LAMC3: variants seen among roughly 807,000 people sequenced by gnomAD.
LAMC3 encodes the protein laminin subunit gamma-3.
A neutral mutation model predicts 173.8 loss-of-function variants in LAMC3; 128 were observed. The observed-to-expected ratio is 0.74, with a 90% CI of 0.64 to 0.85. LAMC3 has a LOEUF of 0.85. Among genes scored for constraint, LAMC3 ranks in the 40% least tolerant of loss-of-function variants. LAMC3 has a pLI of 0.00. For synonymous variants in LAMC3, 897 were observed against 909.1 expected (o/e 0.99, Z 0.24); for missense variants, 2,022 against 2,156.0 (o/e 0.94, Z 1.23).
At chr9:131,063,759 G>C (rs533650254) in intron 13 of LAMC3, among the ~76,000 whole-genome samples, 42 of 152,274 alleles carry the variant, frequency 2.8e-4, no homozygotes, top group African/African-American at 9.6e-4. Flanking sequence ...ATCATCATCA[G>C]TTTCAATCTC....
intron 13 of LAMC3, among the ~76,000 whole-genome samples, chr9:131,065,105 C>T (rs1020517531): frequency 6.6e-6 from 1 of 151,628 alleles, no homozygotes; most frequent in African/African-American, 2.4e-5. Context: ...ATTCTTGTCA[C>T]CTCCAGGGGA....
rs7024108 is a variant in LAMC3, at chr9:131,087,543, C to T, written c.4298C>T (p.Thr1433Met). ...CGTGCCAGCAGGCTCACCAGCCAGA[C>T]GCAAGCCACGCTCCAACAGGCGTCC... ...HRRASRLTSQ[T>M]QATLQQASQQ... is the part of the protein sequence containing the mutation. Residue 1433 changes from threonine to methionine, a missense_variant, in exon 26 of 28, where the codon ACG becomes ATG. Coordinates refer to ENST00000361069, the MANE Select transcript of LAMC3 (RefSeq NM_006059.4). 0.32 allele frequency: 511,191 copies of T among 1,613,702 alleles called. 84,063 individuals carry two copies. Among genetic ancestry groups the T allele is most frequent in the Non-Finnish European group, 0.35 (407,351 of 1,179,956 alleles).
At position 131,079,270 on chromosome 9, in the gene LAMC3, C is replaced by T. The variant is rs142459109; in HGVS notation, c.3899C>T (p.Thr1300Met). The part of the protein sequence containing the change: ...ARTLQTAAQA[T>M]LRQTEPLTKL... Reference sequence around the variant, plus strand: ...ACCCTCCAGACTGCTGCCCAGGCGACGCTACGGCAAACAGAACCCCTCACA... The same window carrying T: ...ACCCTCCAGACTGCTGCCCAGGCGATGCTACGGCAAACAGAACCCCTCACA... Residue 1300 changes from threonine to methionine, a missense_variant, in exon 23 of 28, where the codon ACG becomes ATG. By Grantham distance (81) the Thr-to-Met change is moderately conservative. Coordinates refer to ENST00000361069, the MANE Select transcript of LAMC3 (RefSeq NM_006059.4). 39 of 1,614,092 alleles carry T rather than the reference C, an allele frequency of 2.4e-5. No individual in the cohort carries two copies. The highest frequency in any genetic ancestry group is 3.3e-5 in the Admixed American group (2 of 60,000).
intron 15 of LAMC3, 58 bp from the exon 16 acceptor site, chr9:131,068,850 G>A: frequency 1.9e-6 from 3 of 1,603,636 alleles, no homozygotes; most frequent in Non-Finnish European, 2.6e-6. Context: ...AGCCGGCAGA[G>A]GCTGGGCCAG....
Position 131,057,072 on chromosome 9 carries a change from A to G in LAMC3, c.2083A>G (p.Met695Val). Residue 695 changes from methionine (M) to valine (V), a missense_variant, in exon 12 of 28, where the codon ATG becomes GTG. By Grantham distance (21) the Met-to-Val change is conservative. Transcript: ENST00000361069. ...ESCAPGYKRE[M>V]PQGGPYASCV... is the part of the protein sequence containing the mutation. ...CTGTGCTCCGGGATACAAGAGGGAG[A>G]TGCCACAGGGGGGTCCCTATGCCAG... 6.2e-7 allele frequency: 1 copy of G among 1,614,168 alleles called. No homozygotes were observed. The highest frequency in any genetic ancestry group is 1.1e-5 in the South Asian group (1 of 91,082).
At chr9:131,023,074 G>T (rs1833656093) in intron 1 of LAMC3, among the ~76,000 whole-genome samples, 1 of 152,146 alleles carries the variant, frequency 6.6e-6, no homozygotes, top group African/African-American at 2.4e-5. Context: ...CGTTCTCGTG[G>T]TTCATTCTTG....
chr9:131,026,621 A>G lies in LAMC3; in HGVS notation c.678+32A>G. On this transcript the variant is annotated intron_variant, in intron 2 of 27. Transcript: ENST00000361069. This position sits in a 1 kb window ranked among gnomAD's most constrained non-coding sequence, Gnocchi z 4.8. ...GAGGAGCGGGGCTTCGGAGGTTGGG[A>G]CGGGGTTGGGACTGGGTCACGGCAG... 1 of 1,536,310 alleles carries G rather than the reference A, an allele frequency of 6.5e-7. No individual in the cohort carries two copies. The highest frequency in any genetic ancestry group is 8.8e-7 in the Non-Finnish European group (1 of 1,142,136).
chr9:131,057,019 C>G lies in LAMC3; in HGVS notation c.2030C>G (p.Thr677Ser), dbSNP rs1197299243. Residue 677 changes from threonine (T) to serine (S), a missense_variant, in exon 12 of 28, where the codon ACT (threonine) becomes AGT (serine). Transcript: ENST00000361069. ...TGGGTGGAGATTTGTTCATGTCCCACTGGCTACACGGGCCAGTTCTGTGAA... is the reference window on the plus strand; with the variant it reads ...TGGGTGGAGATTTGTTCATGTCCCAGTGGCTACACGGGCCAGTTCTGTGAA... ...ASWVEICSCPTGYTGQFCESC... is the reference protein window; with the variant it reads ...ASWVEICSCPSGYTGQFCESC... 1.4e-5 allele frequency: 22 copies of G among 1,614,166 alleles called. No individual in the cohort carries two copies. Among genetic ancestry groups the G allele is most frequent in the Non-Finnish European group, 1.9e-5 (22 of 1,180,024 alleles).
At chr9:131,063,095 T>G (rs1588158660) in intron 13 of LAMC3, among the ~76,000 whole-genome samples, 1 of 152,334 alleles carries the variant, frequency 6.6e-6, no homozygotes, top group East Asian at 1.9e-4. Flanking sequence ...GTGGCTGCAT[T>G]AAATCAATTT....
intron 13 of LAMC3, 147 bp downstream of exon 13, chr9:131,061,370 T>G: frequency 3.0e-6 from 2 of 672,222 alleles, no homozygotes; most frequent in South Asian, 3.8e-5. Context: ...GCATGACCTC[T>G]GAGGACACGG....
rs193039706 is a variant in LAMC3, at chr9:131,056,968, G to A, written c.1979G>A (p.Arg660Gln). 6.7e-5 allele frequency: 108 copies of A among 1,613,782 alleles called. No individual in the cohort carries two copies. Among genetic ancestry groups the A allele is most frequent in the African/African-American group, 1.9e-4 (14 of 75,036 alleles). The change falls in exon 12 of 28, where the codon CGG (arginine) becomes CAG (glutamine). Residue 660 changes from arginine to glutamine, a missense_variant. Physicochemically the swap from Arg to Gln is conservative, Grantham distance 43 (BLOSUM62 1). Transcript: ENST00000361069. The stretch of plus-strand genomic sequence containing the variant: ...ACTGAGGTCCGGCTCACATCCGCCC[G>A]GCCAGGGCTTTCCCCGCCAGCCTCC... ...FLTEVRLTSA[R>Q]PGLSPPASWV...
intron 6 of LAMC3, 23 bp downstream of exon 6, chr9:131,039,271 T>G: frequency 6.4e-7 from 1 of 1,565,344 alleles, no homozygotes. Flanking sequence ...GGCGGCCCAG[T>G]ATGGACACAT....
chr9:131,032,116 G>A lies in LAMC3; in HGVS notation c.750G>A (p.Lys250=). 6.2e-7 allele frequency: 1 copy of A among 1,614,090 alleles called. No homozygotes were observed. The highest frequency in any genetic ancestry group is 8.5e-7 in the Non-Finnish European group (1 of 1,180,020). The change falls in exon 3 of 28, where the codon AAG becomes AAA. Residue 250 remains lysine (K), a synonymous_variant. Coordinates refer to ENST00000361069, the MANE Select transcript of LAMC3 (RefSeq NM_006059.4). ...ACACGTTTGGGGACGACATCTTCAAGGACCCCAAGGTGCTCCAGTCCTACT... is the reference window on the plus strand; with the variant it reads ...ACACGTTTGGGGACGACATCTTCAAAGACCCCAAGGTGCTCCAGTCCTACT... ...RLNTFGDDIF[K]DPKVLQSYYY... is the part of the protein sequence containing the mutation.
At position 131,085,673 on chromosome 9, in the gene LAMC3, G is replaced by A. The variant is rs374334373; in HGVS notation, c.4180G>A (p.Ala1394Thr). 1.9e-6 allele frequency: 3 copies of A among 1,614,202 alleles called. No individual in the cohort carries two copies. The highest frequency in any genetic ancestry group is 2.5e-6 in the Non-Finnish European group (3 of 1,180,046). Residue 1394 changes from alanine to threonine, a missense_variant, in exon 25 of 28, where the codon GCC (alanine) becomes ACC (threonine). Transcript: ENST00000361069. ...LGNAAPLSSS[A>T]KKKGREAEVL... ...AAACGCGGCCCCTCTTTCCTCCAGT[G>A]CCAAGAAGAAGGGCAGAGAAGCAGA...
intron 20 of LAMC3, among the ~76,000 whole-genome samples, chr9:131,074,005 G>A (rs567781466): frequency 6.8e-6 from 1 of 146,718 alleles, no homozygotes; most frequent in South Asian, 2.2e-4. Context: ...GGAGTGCAGT[G>A]GCGCTATCTC....
chr9:131,073,388 C>T, intron 20 of LAMC3, 67 bp downstream of exon 20: 3 of 1,208,440 alleles, frequency 2.5e-6, no homozygotes, highest in East Asian at 2.3e-5. Context: ...TCAGAGTCAG[C>T]CCCACAGGTG....
In LAMC3 at chr9:131,085,653, C is replaced by T. The variant is rs141497885; in HGVS notation, c.4160C>T (p.Ala1387Val). 1,160 of 1,614,180 alleles carry T rather than the reference C, an allele frequency of 7.2e-4. 1 individual carries two copies. The highest frequency in any genetic ancestry group is 6.6e-3 in the African/African-American group (498 of 75,056). Residue 1387 changes from alanine (A) to valine (V), a missense_variant, in exon 25 of 28, where the codon GCG (alanine) becomes GTG (valine). By Grantham distance (64) the Ala-to-Val change is moderately conservative. Transcript: ENST00000361069. The part of the protein sequence containing the change: ...TKQAERMLGN[A>V]APLSSSAKKK... Reference sequence around the variant, plus strand: ...CAGGCGGAGAGGATGCTGGGAAACGCGGCCCCTCTTTCCTCCAGTGCCAAG... The same window carrying T: ...CAGGCGGAGAGGATGCTGGGAAACGTGGCCCCTCTTTCCTCCAGTGCCAAG...
chr9:131,044,778 C>T lies in LAMC3; in HGVS notation c.1383-746C>T, dbSNP rs181717083. On this transcript the variant is annotated intron_variant, in intron 7 of 27. Coordinates refer to ENST00000361069, the MANE Select transcript of LAMC3 (RefSeq NM_006059.4). ...ACATTCTAAAAATACCTGATCAGTG[C>T]TTTTCAAAAAGTGTCAAGATAGTGG... Among the ~76,000 whole-genome samples, 36 of 152,296 alleles carry T rather than the reference C, an allele frequency of 2.4e-4. 2 individuals are homozygous for T. The East Asian group carries it at 6.7e-3, about 29-fold the overall frequency.
chr9:131,083,139 T>A (rs11244277), intron 24 of LAMC3, among the ~76,000 whole-genome samples: 33,981 of 152,150 alleles, frequency 0.22, 4,574 homozygotes, highest in Non-Finnish European at 0.28. Context: ...TTATAAGAGG[T>A]CTTAAGGTCA....
Sources: gnomAD v4.1 joint callset for allele counts (sites outside exome capture counted in the v4.1 genomes callset) on GRCh38, gnomAD v4.1.1 for gene constraint, Gnocchi (gnomAD v3.1) non-coding constraint, MANE v1.5 for transcripts, NCBI Gene and HGNC (gene_info 2026-07-23, HGNC 2026-07-21) for gene names.